Variants in SGCG observed in about 807,000 individuals in gnomAD.
SGCG encodes gamma-sarcoglycan.
Under a neutral mutation model 29.3 loss-of-function variants are expected in SGCG, and 26 were observed. The observed-to-expected ratio is 0.89, with a 90% confidence interval of 0.65 to 1.23. The LOEUF (loss-of-function observed/expected upper bound fraction) is 1.23. SGCG is among the 50% of genes most tolerant of loss of function. SGCG has a pLI of 0.00. For missense variants in SGCG, 353 were observed against 356.0 expected, an observed-to-expected ratio of 0.99 and a Z score of 0.07; for synonymous variants, 145 against 129.7, an observed-to-expected ratio of 1.12 and a Z score of -0.80.
chr13:23,202,309 T>C (rs1217908169), intron 1 of SGCG, among the ~76,000 whole-genome samples: 1 of 152,160 alleles, frequency 6.6e-6, no homozygotes, highest in Admixed American at 6.5e-5. Context: ...GGGTGGGGAA[T>C]GGTTTTCAAG....
chr13:23,295,104 ATTTTCAGAAGGACTTT>A, intron 5 of SGCG, among the ~76,000 whole-genome samples: 1 of 152,306 alleles, frequency 6.6e-6, no homozygotes, highest in East Asian at 1.9e-4. Context: ...GGTGTATGCA[ATTTTCAGAAGGACTTT>A]TTTTCTTTTT....
At chr13:23,297,026 A>G (rs1240362014) in intron 6 of SGCG, among the ~76,000 whole-genome samples, 2 of 152,190 alleles carry the variant, frequency 1.3e-5, no homozygotes, top group African/African-American at 4.8e-5. Flanking sequence ...TATGTATAAT[A>G]GGGAATACAA....
In SGCG at chr13:23,324,677, T is replaced by C. The variant is rs3751372; in HGVS notation, c.*136T>C. ...TTCCAGAGGAACTCAGAAAAAATTATGTGCCAGTGAAAGTGTTTGGACAAA... is the reference window on the plus strand; with the variant it reads ...TTCCAGAGGAACTCAGAAAAAATTACGTGCCAGTGAAAGTGTTTGGACAAA... On this transcript the variant is annotated 3_prime_UTR_variant, in exon 8 of 8. Coordinates refer to ENST00000218867, the MANE Select transcript of SGCG (RefSeq NM_000231.3). The C allele has an allele frequency of 0.033, 25,679 of 769,084 alleles. 804 individuals are homozygous for C. Among genetic ancestry groups the C allele is most frequent in the East Asian group, 0.13 (4,950 of 36,952 alleles). The allele number at this position is 769,084 out of a possible 1,614,324, so 47.6% of individuals were successfully genotyped here. A position where few individuals can be genotyped will look rare whatever the true frequency, so the allele number is the denominator to read the frequency against.
At chr13:23,275,458 A>G (rs1231523626) in intron 4 of SGCG, among the ~76,000 whole-genome samples, 1 of 151,358 alleles carries the variant, frequency 6.6e-6, no homozygotes, top group African/African-American at 2.4e-5. Flanking sequence ...AGCTGAGATC[A>G]TGCCACTGCA....
intron 4 of SGCG, among the ~76,000 whole-genome samples, chr13:23,275,148 TGAG>T (rs1181336045): frequency 6.9e-6 from 1 of 145,344 alleles, no homozygotes; most frequent in African/African-American, 2.6e-5. Flanking sequence ...TATATAGAAA[TGAG>T]GACGTTGTTT....
Position 23,295,632 on chromosome 13 carries a change from G to C in SGCG, c.578+145G>C, listed in dbSNP as rs41283950. On this transcript the variant is annotated intron_variant, in intron 6 of 7. Coordinates refer to ENST00000218867, the MANE Select transcript of SGCG (RefSeq NM_000231.3). Reference sequence around the variant, plus strand: ...TTTCAAGACTTTCCGCTTATAACTAGATAGTATTTATTAAAATCCAAAGGA... The same window carrying C: ...TTTCAAGACTTTCCGCTTATAACTACATAGTATTTATTAAAATCCAAAGGA... 0.037 allele frequency: 25,903 copies of C among 704,816 alleles called. 673 individuals are homozygous for C. The highest frequency in any genetic ancestry group is 0.049 in the Non-Finnish European group (19,469 of 394,766). The allele number at this position is 704,816 out of a possible 1,614,324, so 43.7% of individuals were successfully genotyped here. A position where few individuals can be genotyped will look rare whatever the true frequency, so the allele number is the denominator to read the frequency against.
chr13:23,192,015 A>G (rs1485814049), intron 1 of SGCG, among the ~76,000 whole-genome samples: 1 of 151,788 alleles, frequency 6.6e-6, no homozygotes, highest in African/African-American at 2.4e-5. Flanking sequence ...CTCTACTGAA[A>G]ATACAAAAAA....
At chr13:23,196,880 G>T (rs765606660) in intron 1 of SGCG, among the ~76,000 whole-genome samples, 1 of 152,120 alleles carries the variant, frequency 6.6e-6, no homozygotes, top group Non-Finnish European at 1.5e-5. Flanking sequence ...ATGTTTCTTG[G>T]AAGTTTAAAG....
chr13:23,321,674 G>A (rs1007399461), intron 7 of SGCG, among the ~76,000 whole-genome samples: 17 of 152,146 alleles, frequency 1.1e-4, no homozygotes, highest in Non-Finnish European at 2.2e-4. Context: ...ATTCCATCAC[G>A]CTAGTCAGAA....
At chr13:23,184,723 T>C (rs756166730) in intron 1 of SGCG, among the ~76,000 whole-genome samples, 6 of 152,200 alleles carry the variant, frequency 3.9e-5, no homozygotes, top group Non-Finnish European at 8.8e-5. Flanking sequence ...GTCCTTGGCC[T>C]CAGCCCACAC....
At chr13:23,318,875 C>T (rs1882927800) in intron 6 of SGCG, among the ~76,000 whole-genome samples, 1 of 152,190 alleles carries the variant, frequency 6.6e-6, no homozygotes. Context: ...TGGAAACACC[C>T]ACTTTCACAA....
At chr13:23,314,125 C>T (rs73170823) in intron 6 of SGCG, among the ~76,000 whole-genome samples, 28,605 of 149,974 alleles carry the variant, frequency 0.19, 3,305 homozygotes, top group Non-Finnish European at 0.25. Context: ...ATATCTATAT[C>T]TATATATCTA....
At chr13:23,161,448 A>G in the SGCG span, among the ~76,000 whole-genome samples, 1 of 152,216 alleles carries the variant, frequency 6.6e-6, no homozygotes, top group African/African-American at 2.4e-5. Flanking sequence ...CTATTCATGT[A>G]CTAATACTCC....
At chr13:23,305,934 C>T (rs1324714550) in intron 6 of SGCG, among the ~76,000 whole-genome samples, 6 of 152,194 alleles carry the variant, frequency 3.9e-5, no homozygotes, top group East Asian at 1.9e-4. Context: ...TGCAAGAACA[C>T]GATCTCAGCT....
At chr13:23,236,122 CT>C (rs1304804288) in intron 3 of SGCG, among the ~76,000 whole-genome samples, 1 of 152,208 alleles carries the variant, frequency 6.6e-6, no homozygotes, top group Non-Finnish European at 1.5e-5. Context: ...GAGGCTTACC[CT>C]TACCTTATGT....
At chr13:23,269,874 G>GT (rs796558128) in intron 4 of SGCG, among the ~76,000 whole-genome samples, 8,741 of 96,964 alleles carry the variant, frequency 0.09, 412 homozygotes, top group Non-Finnish European at 0.12. Flanking sequence ...TGTTTTTTTT[G>GT]TTTTTTTTGT....
intron 4 of SGCG, among the ~76,000 whole-genome samples, chr13:23,256,630 T>C (rs1159632903): frequency 6.6e-6 from 1 of 152,154 alleles, no homozygotes; most frequent in Non-Finnish European, 1.5e-5. Context: ...CATGCAGTGT[T>C]TGGTTTTCTG....
At chr13:23,253,433 C>G (rs910189476) in intron 4 of SGCG, among the ~76,000 whole-genome samples, 1 of 152,152 alleles carries the variant, frequency 6.6e-6, no homozygotes, top group Non-Finnish European at 1.5e-5. Context: ...ACCAAGCTCA[C>G]CAAATCCAAG....
chr13:23,175,219 A>G, the SGCG span, among the ~76,000 whole-genome samples: 1 of 152,198 alleles, frequency 6.6e-6, no homozygotes, highest in African/African-American at 2.4e-5. Flanking sequence ...ACATAGCAAT[A>G]GGAGGCTAAT....
Sources: gnomAD v4.1 joint callset for allele counts (sites outside exome capture counted in the v4.1 genomes callset) on GRCh38, gnomAD v4.1.1 for gene constraint, MANE v1.5 for transcripts, NCBI Gene and HGNC (gene_info 2026-07-23, HGNC 2026-07-21) for gene names.